Variants in BCAR3 observed in about 807,000 individuals in gnomAD.
BCAR3 encodes breast cancer anti-estrogen resistance protein 3.
BCAR3 carries 37 observed loss-of-function variants against 80.1 expected under a neutral mutation model. That is an observed-to-expected ratio of 0.46 (90% confidence interval 0.36 to 0.61). The LOEUF is 0.61. Ranked by LOEUF, BCAR3 falls within the 20% of genes least tolerant of loss-of-function variation. The probability of loss-of-function intolerance (pLI) is 0.00; values close to 1 mark genes in which losing one functional copy is unlikely to be tolerated. For synonymous variants in BCAR3, 389 were observed against 418.9 expected, an observed-to-expected ratio of 0.93 and a Z score of 0.87; for missense variants, 978 against 1,068.2, an observed-to-expected ratio of 0.92 and a Z score of 1.18.
intron 2 of BCAR3, among the ~76,000 whole-genome samples, chr1:93,786,221 TG>T (rs1652940611): frequency 1.4e-5 from 1 of 74,026 alleles, no homozygotes; most frequent in South Asian, 6.0e-4. Flanking sequence ...AAAAAAAAAG[TG>T]CCATGCATTT....
At chr1:93,743,580 G>A (rs751424065) in intron 2 of BCAR3, among the ~76,000 whole-genome samples, 2 of 152,156 alleles carry the variant, frequency 1.3e-5, no homozygotes, top group African/African-American at 2.4e-5. Flanking sequence ...GGGAGAAAGC[G>A]CTGATATGGT....
At chr1:93,842,140 C>T (rs1240048694) in intron 2 of BCAR3, among the ~76,000 whole-genome samples, 1 of 135,440 alleles carries the variant, frequency 7.4e-6, no homozygotes, top group African/African-American at 2.8e-5. Flanking sequence ...GTTTGTGTAC[C>T]TGTCATCCTT....
At chr1:93,616,344 A>C (rs1329689071) in intron 3 of BCAR3, among the ~76,000 whole-genome samples, 1 of 152,218 alleles carries the variant, frequency 6.6e-6, no homozygotes, top group Non-Finnish European at 1.5e-5. Flanking sequence ...TCAAGGAGAG[A>C]GACTAAAATA....
Position 93,773,744 on chromosome 1 carries a change from C to A in BCAR3, c.-62-67602G>T, listed in dbSNP as rs180820196. On this transcript the variant is annotated intron_variant, in intron 2 of 13. Transcript: ENST00000370244. ...GGACCTCTTAGGTTAGTCCATTCCC[C>A]CACCCCAGCCACCACACCTCCATTA... is the stretch of plus-strand genomic sequence containing the variant. Among the ~76,000 whole-genome samples, 22 of 152,268 alleles carry A rather than the reference C, an allele frequency of 1.4e-4. No homozygotes were observed. In the East Asian group the frequency reaches 4.1e-3, roughly 28 times the overall value.
chr1:93,572,213 C>T (rs745634096), intron 8 of BCAR3, among the ~76,000 whole-genome samples: 5 of 152,190 alleles, frequency 3.3e-5, no homozygotes, highest in Admixed American at 1.3e-4. Context: ...TCCCCCAAAA[C>T]GCCTGAGAAT....
At chr1:93,804,781 A>G (rs576869410) in intron 2 of BCAR3, among the ~76,000 whole-genome samples, 1 of 152,346 alleles carries the variant, frequency 6.6e-6, no homozygotes, top group South Asian at 2.1e-4. Flanking sequence ...CTGTGTAACA[A>G]TTTGTTTATC....
In BCAR3 at chr1:93,824,073, G is replaced by A. The variant is rs1260859593; in HGVS notation, c.-63+21494C>T. Among the ~76,000 whole-genome samples the A allele has an allele frequency of 4.5e-5, 6 of 133,806 alleles. 1 individual carries two copies. The highest frequency in any genetic ancestry group is 1.5e-4 in the Admixed American group (2 of 12,922). The allele number at this position is 133,806 out of a possible 152,430, so 87.8% of individuals were successfully genotyped here. A position where few individuals can be genotyped will look rare whatever the true frequency, so the allele number is the denominator to read the frequency against. On this transcript the variant is annotated intron_variant, in intron 2 of 13. Coordinates refer to the BCAR3 transcript ENST00000370244. ...CTAGAATATAAACTAGAATCCAGAA[G>A]ATCAGGGAGTCTGTCTTGTTTTCGG... is the stretch of plus-strand genomic sequence containing the variant.
intron 3 of BCAR3, among the ~76,000 whole-genome samples, chr1:93,641,529 AAAT>A (rs1182026114): frequency 6.6e-6 from 1 of 152,256 alleles, no homozygotes; most frequent in Non-Finnish European, 1.5e-5. Flanking sequence ...AAATAAAAGA[AAAT>A]AAAGCAAACA....
At chr1:93,661,284 C>T (rs568011991) in intron 2 of BCAR3, among the ~76,000 whole-genome samples, 39 of 152,222 alleles carry the variant, frequency 2.6e-4, no homozygotes, top group Middle Eastern at 3.4e-3. Context: ...GGTGATCCAC[C>T]CACCTCAGCC....
At chr1:93,842,961 A>G (rs1396029236) in intron 2 of BCAR3, among the ~76,000 whole-genome samples, 1 of 152,240 alleles carries the variant, frequency 6.6e-6, no homozygotes, top group African/African-American at 2.4e-5. Flanking sequence ...GAGATATTTT[A>G]GGATGAAAAA....
chr1:93,667,363 C>T (rs1045653784), intron 2 of BCAR3, among the ~76,000 whole-genome samples: 2 of 152,068 alleles, frequency 1.3e-5, no homozygotes, highest in African/African-American at 4.8e-5. Context: ...TTCTGTGGAG[C>T]CTTCATATTT....
chr1:93,835,179 A>G (rs1482961109), intron 2 of BCAR3, among the ~76,000 whole-genome samples: 1 of 152,082 alleles, frequency 6.6e-6, no homozygotes, highest in African/African-American at 2.4e-5. Flanking sequence ...GTCCTACACC[A>G]CTATGCTGTT....
rs77366698 is a variant in BCAR3 at position 93,642,135 on chromosome 1, A to G, written c.357+169T>C. On this transcript the variant is annotated intron_variant, in intron 3 of 11. Coordinates refer to ENST00000260502, the MANE Select transcript of BCAR3 (RefSeq NM_003567.4). ...TGTAATAGGATGACGTGAGACCCCT[A>G]CAAAATTTACCAAAGGCCTAAGGGA... Among the ~76,000 whole-genome samples, 744 of 152,324 alleles carry G rather than the reference A, an allele frequency of 4.9e-3. 5 individuals carry two copies. The highest frequency in any genetic ancestry group is 0.013 in the South Asian group (61 of 4,816).
At chr1:93,655,086 C>T (rs236291) in intron 2 of BCAR3, among the ~76,000 whole-genome samples, 43,995 of 152,000 alleles carry the variant, frequency 0.29, 8,683 homozygotes, top group African/African-American at 0.57. Context: ...CTAAGCGCAG[C>T]GTTCGGGGCA....
chr1:93,796,304 C>T (rs1365369770), intron 2 of BCAR3, among the ~76,000 whole-genome samples: 7 of 137,346 alleles, frequency 5.1e-5, no homozygotes, highest in Admixed American at 5.0e-4. Flanking sequence ...TAGCAATCAG[C>T]GAGATTCCGT....
At chr1:93,562,861 C>T (rs940075077) in intron 11 of BCAR3, among the ~76,000 whole-genome samples, 1 of 151,666 alleles carries the variant, frequency 6.6e-6, no homozygotes, top group African/African-American at 2.4e-5. Context: ...TAAAAAATGT[C>T]CCCAAAGAAA....
intron 6 of BCAR3, 102 bp downstream of exon 6, chr1:93,583,916 C>A: frequency 1.7e-6 from 2 of 1,169,666 alleles, no homozygotes; most frequent in Non-Finnish European, 2.5e-6. Context: ...GGCCTGAGGC[C>A]TTGTGTCGTT....
intron 2 of BCAR3, among the ~76,000 whole-genome samples, chr1:93,827,031 G>A (rs1026798835): frequency 6.6e-6 from 1 of 152,202 alleles, no homozygotes; most frequent in Non-Finnish European, 1.5e-5. Context: ...CTCCAGAAAG[G>A]AAGGGACTGT....
chr1:93,803,023 C>T (rs1010065192), intron 2 of BCAR3, among the ~76,000 whole-genome samples: 1 of 152,218 alleles, frequency 6.6e-6, no homozygotes, highest in Non-Finnish European at 1.5e-5. Context: ...TCAGGAGATG[C>T]TCACCTGTTG....
Sources: allele counts gnomAD v4.1 joint callset (sites outside exome capture counted in the v4.1 genomes callset), GRCh38; gene constraint gnomAD v4.1.1; transcripts MANE v1.5; gene names NCBI Gene and HGNC (gene_info 2026-07-23, HGNC 2026-07-21).